The following ERN1 variants were observed in gnomAD, a reference collection of about 807,000 sequenced individuals.
The protein encoded by ERN1 is endoplasmic reticulum to nucleus signaling 1.
In ERN1, 39 loss-of-function variants were observed where a neutral mutation model predicts 113.1. That is an observed-to-expected ratio of 0.34 (90% CI 0.27 to 0.45). ERN1 has a LOEUF of 0.45. ERN1 is among the 20% of genes least tolerant of loss of function. The probability of loss-of-function intolerance (pLI) is 1.00; values close to 1 mark genes in which losing one functional copy is unlikely to be tolerated. For missense variants in ERN1, 976 were observed against 1,274.8 expected, an observed-to-expected ratio of 0.77 and a Z score of 3.57; for synonymous variants, 507 against 515.9, an observed-to-expected ratio of 0.98 and a Z score of 0.23.
At chr17:64,127,355 C>T (rs1301659757) in intron 1 of ERN1, among the ~76,000 whole-genome samples, 1 of 152,160 alleles carries the variant, frequency 6.6e-6, no homozygotes, top group Non-Finnish European at 1.5e-5. Context: ...ATCTTTGGAG[C>T]ATAAAGAGAA....
In ERN1 at chr17:64,042,029, T is replaced by A. The variant is rs196903; in HGVS notation, c.*1959A>T. 7 of 152,336 alleles carry A rather than the reference T, an allele frequency of 4.6e-5. No individual in the cohort carries two copies. The highest frequency in any genetic ancestry group is 1.7e-4 in the African/African-American group (7 of 41,506). 9.4% of individuals were successfully genotyped at this position (152,336 alleles called of 1,614,324 possible). A position where few individuals can be genotyped will look rare whatever the true frequency, so the allele number is the denominator to read the frequency against. On this transcript the variant is annotated 3_prime_UTR_variant, in exon 22 of 22. Coordinates refer to ENST00000433197, the MANE Select transcript of ERN1 (RefSeq NM_001433.5). ...AACCTGTGCTGAGAACGAGCTGGGC[T>A]GGGGGCACTCCCTGTGGCAGGCCTG... is the stretch of plus-strand genomic sequence containing the variant.
At chr17:64,082,549 C>T (rs1421294520) in intron 2 of ERN1, among the ~76,000 whole-genome samples, 1 of 152,178 alleles carries the variant, frequency 6.6e-6, no homozygotes, top group Non-Finnish European at 1.5e-5. Context: ...CAGATAAACA[C>T]AGATTAAGAG....
chr17:64,087,049 G>A (rs1261664922), intron 2 of ERN1, among the ~76,000 whole-genome samples: 2 of 152,096 alleles, frequency 1.3e-5, no homozygotes, highest in Non-Finnish European at 2.9e-5. Context: ...ATTTCCACCA[G>A]CAATGTATTA....
chr17:64,112,299 T>C (rs183351096), intron 1 of ERN1, among the ~76,000 whole-genome samples: 1 of 147,674 alleles, frequency 6.8e-6, no homozygotes, highest in East Asian at 2.0e-4. Flanking sequence ...ACCCAGGAGG[T>C]GGACAGCGCA....
intron 1 of ERN1, among the ~76,000 whole-genome samples, chr17:64,115,775 C>G (rs567301397): frequency 6.6e-6 from 1 of 152,262 alleles, no homozygotes; most frequent in South Asian, 2.1e-4. Context: ...CTGGTTTGAG[C>G]TCTGGGCAAG....
intron 5 of ERN1, 143 bp downstream of exon 5, chr17:64,075,031 TG>T: frequency 1.5e-6 from 1 of 687,096 alleles, no homozygotes; most frequent in Non-Finnish European, 2.5e-6. Flanking sequence ...CAGCTGATCC[TG>T]GGGAGAACAG....
chr17:64,053,003 C>G, intron 16 of ERN1, 24 bp from the exon 17 acceptor site: 2 of 1,551,918 alleles, frequency 1.3e-6, no homozygotes, highest in Non-Finnish European at 1.7e-6. Context: ...CCAGATTAGT[C>G]CAATGCTTAC....
chr17:64,128,303 G>A (rs1294335113), intron 1 of ERN1, among the ~76,000 whole-genome samples: 1 of 151,890 alleles, frequency 6.6e-6, no homozygotes, highest in Admixed American at 6.6e-5. Flanking sequence ...GAGCCACCGG[G>A]CCCGGCCTGA....
intron 17 of ERN1, among the ~76,000 whole-genome samples, chr17:64,051,852 G>A (rs562141904): frequency 7.2e-4 from 109 of 152,196 alleles, no homozygotes; most frequent in Non-Finnish European, 1.4e-3. Context: ...AATATGAGAT[G>A]ATGGATAGAA....
chr17:64,046,630 T>C (rs569950655), intron 19 of ERN1, among the ~76,000 whole-genome samples: 41 of 152,262 alleles, frequency 2.7e-4, no homozygotes, highest in Admixed American at 4.6e-4. Flanking sequence ...GCGTCCTCCC[T>C]AGGAGGCAGG....
intron 1 of ERN1, among the ~76,000 whole-genome samples, chr17:64,106,689 C>T (rs1914536150): frequency 6.8e-6 from 1 of 147,624 alleles, no homozygotes; most frequent in African/African-American, 2.5e-5. Flanking sequence ...CATGCCATAA[C>T]AGGACACCAG....
chr17:64,071,423 T>C (rs1429376384), intron 6 of ERN1, among the ~76,000 whole-genome samples: 1 of 152,132 alleles, frequency 6.6e-6, no homozygotes, highest in Non-Finnish European at 1.5e-5. Context: ...GAAACTTTTT[T>C]TTTTTTGGGC....
Position 64,042,237 on chromosome 17 carries a change from A to C in ERN1, c.*1751T>G, listed in dbSNP as rs912659237. ...TGAACAACGCACAGCCTTGCTTAGA[A>C]GACGCCAAGGACACCGACCAAGGGC... On this transcript the variant is annotated 3_prime_UTR_variant, in exon 22 of 22. Coordinates refer to ENST00000433197, the MANE Select transcript of ERN1 (RefSeq NM_001433.5). 4 of 152,292 alleles carry C rather than the reference A, an allele frequency of 2.6e-5. No individual in the cohort carries two copies. The highest frequency in any genetic ancestry group is 9.6e-5 in the African/African-American group (4 of 41,466). The allele number at this position is 152,292 out of a possible 1,614,324, so 9.4% of individuals were successfully genotyped here.
intron 1 of ERN1, among the ~76,000 whole-genome samples, chr17:64,120,682 A>G (rs564846394): frequency 6.6e-6 from 1 of 152,258 alleles, no homozygotes; most frequent in African/African-American, 2.4e-5. Context: ...TTGGCAATGG[A>G]AAAATTAATC....
chr17:64,078,741 A>T (rs1219241406), intron 4 of ERN1, among the ~76,000 whole-genome samples: 1 of 152,198 alleles, frequency 6.6e-6, no homozygotes, highest in Non-Finnish European at 1.5e-5. Flanking sequence ...GTGGTGGCTC[A>T]CGTCTGTAAT....
At chr17:64,089,119 A>G (rs937914999) in intron 2 of ERN1, among the ~76,000 whole-genome samples, 1 of 152,056 alleles carries the variant, frequency 6.6e-6, no homozygotes, top group Non-Finnish European at 1.5e-5. Flanking sequence ...GGAGATCGAA[A>G]CCATCCTGGC....
intron 1 of ERN1, 53 bp downstream of exon 1, chr17:64,129,923 C>A: frequency 7.3e-7 from 1 of 1,367,658 alleles, no homozygotes; most frequent in Non-Finnish European, 9.4e-7. Context: ...CTGCCCCGGC[C>A]CCGACCCGGC....
chr17:64,120,147 C>T (rs151334417), intron 1 of ERN1, among the ~76,000 whole-genome samples: 23 of 152,168 alleles, frequency 1.5e-4, no homozygotes, highest in African/African-American at 3.4e-4. Flanking sequence ...CCCAGCACAG[C>T]GTTTTTAAAA....
intron 2 of ERN1, among the ~76,000 whole-genome samples, chr17:64,087,800 T>C (rs1913978457): frequency 1.3e-5 from 2 of 152,160 alleles, no homozygotes; most frequent in African/African-American, 4.8e-5. Context: ...GGCATAATTC[T>C]GAAGAGCCTG....
Sources: gnomAD v4.1 joint callset for allele counts (sites outside exome capture counted in the v4.1 genomes callset) on GRCh38, gnomAD v4.1.1 for gene constraint, MANE v1.5 for transcripts, NCBI Gene and HGNC (gene_info 2026-07-23, HGNC 2026-07-21) for gene names.